Variants in GALNT13 observed in about 807,000 individuals in gnomAD.
The protein encoded by GALNT13 is polypeptide N-acetylgalactosaminyltransferase 13.
A neutral mutation model predicts 64.2 loss-of-function variants in GALNT13; 28 were observed. The observed-to-expected ratio is 0.44, with a 90% CI of 0.32 to 0.60. GALNT13 has a LOEUF of 0.60. Ranked by LOEUF, GALNT13 falls within the 20% of genes least tolerant of loss-of-function variation. The pLI, the probability that GALNT13 is intolerant of heterozygous loss-of-function variation, is 0.05. For missense variants in GALNT13, 577 were observed against 669.8 expected (o/e 0.86, Z 1.53); for synonymous variants, 214 against 224.6 (o/e 0.95, Z 0.42).
At chr2:153,933,932 T>C (rs991311237) in intron 2 of GALNT13, among the ~76,000 whole-genome samples, 3 of 152,178 alleles carry the variant, frequency 2.0e-5, no homozygotes, top group Admixed American at 6.6e-5. Flanking sequence ...ACAGTCTCTT[T>C]TGGCTTATAA....
chr2:153,205,795 T>G, the GALNT13 span, among the ~76,000 whole-genome samples: 1 of 152,100 alleles, frequency 6.6e-6, no homozygotes, highest in Non-Finnish European at 1.5e-5. Context: ...ATTATTTAAT[T>G]TTACAACCTT....
At chr2:154,427,097 T>G (rs1700504952) in intron 11 of GALNT13, among the ~76,000 whole-genome samples, 1 of 152,230 alleles carries the variant, frequency 6.6e-6, no homozygotes, top group African/African-American at 2.4e-5. Flanking sequence ...AGATATTACT[T>G]GAGGCAAATG....
intron 3 of GALNT13, among the ~76,000 whole-genome samples, chr2:154,111,550 C>T (rs1311614029): frequency 6.6e-6 from 1 of 152,100 alleles, no homozygotes; most frequent in East Asian, 1.9e-4. Flanking sequence ...TTCCTGGTGG[C>T]AGCATTCCTC....
chr2:154,105,687 T>G (rs1216309422), intron 3 of GALNT13, among the ~76,000 whole-genome samples: 1 of 152,318 alleles, frequency 6.6e-6, no homozygotes, highest in Non-Finnish European at 1.5e-5. Flanking sequence ...CAAGTTTGTT[T>G]GGACAACATT....
chr2:154,053,203 AG>A (rs1313697828), intron 3 of GALNT13, among the ~76,000 whole-genome samples: 2 of 152,202 alleles, frequency 1.3e-5, no homozygotes, highest in African/African-American at 4.8e-5. Context: ...CTGAACTTGG[AG>A]GAAGAATCTT....
At chr2:153,922,654 T>C (rs1689836451) in intron 2 of GALNT13, among the ~76,000 whole-genome samples, 1 of 152,098 alleles carries the variant, frequency 6.6e-6, no homozygotes, top group Admixed American at 6.6e-5. Flanking sequence ...TAGGTGATAA[T>C]CCTTCCCCCA....
chr2:153,397,049 ATCC>A, the GALNT13 span, among the ~76,000 whole-genome samples: 4 of 152,152 alleles, frequency 2.6e-5, no homozygotes, highest in Non-Finnish European at 4.4e-5. Flanking sequence ...CACCATTTTC[ATCC>A]TCTAAAATAC....
At chr2:153,603,722 G>T in the GALNT13 span, among the ~76,000 whole-genome samples, 1 of 151,842 alleles carries the variant, frequency 6.6e-6, no homozygotes, top group African/African-American at 2.4e-5. Flanking sequence ...CTCCTTTAGG[G>T]TATCAATATT....
chr2:153,564,917 T>C, the GALNT13 span, among the ~76,000 whole-genome samples: 2 of 152,252 alleles, frequency 1.3e-5, no homozygotes, highest in East Asian at 1.9e-4. Context: ...AAGAGCCAAA[T>C]TGTAAACTGC....
intron 12 of GALNT13, among the ~76,000 whole-genome samples, chr2:154,444,585 A>G (rs1277407572): frequency 6.6e-6 from 1 of 152,098 alleles, no homozygotes; most frequent in Non-Finnish European, 1.5e-5. Context: ...TTATAGATAT[A>G]TTTTAAAGGA....
At chr2:153,995,291 T>C (rs956877619) in intron 3 of GALNT13, among the ~76,000 whole-genome samples, 1 of 152,130 alleles carries the variant, frequency 6.6e-6, no homozygotes, top group African/African-American at 2.4e-5. Flanking sequence ...TAAATAAAAT[T>C]GAACTCTCAG....
In GALNT13 at chr2:154,056,127, GC is replaced by G. The variant is rs1405120558; in HGVS notation, c.143-84208del. ...GCTTAGAGCTGTGCAATTTTTATAT[GC>G]CTATTTAAAAAGAAAAAAAGGAAAA... On this transcript the variant is annotated intron_variant, in intron 3 of 12. Transcript: ENST00000392825. 2.6e-5 allele frequency among the ~76,000 whole-genome samples: 4 copies of G among 151,976 alleles called. No homozygotes were observed. In the East Asian group the frequency reaches 5.8e-4, roughly 22 times the overall value.
chr2:153,468,807 A>G, the GALNT13 span, among the ~76,000 whole-genome samples: 1 of 152,114 alleles, frequency 6.6e-6, no homozygotes, highest in Non-Finnish European at 1.5e-5. Flanking sequence ...CCTCAAATAC[A>G]CTAGGGTAGC....
the GALNT13 span, among the ~76,000 whole-genome samples, chr2:153,803,283 T>C: frequency 6.6e-6 from 1 of 152,216 alleles, no homozygotes; most frequent in Non-Finnish European, 1.5e-5. Flanking sequence ...ATTTATATGT[T>C]GAAGCCCTAG....
the GALNT13 span, among the ~76,000 whole-genome samples, chr2:153,670,696 AT>A: frequency 6.6e-6 from 1 of 152,186 alleles, no homozygotes; most frequent in African/African-American, 2.4e-5. Context: ...TGGATGGAGA[AT>A]GAGTTTGACA....
chr2:153,157,919 C>A, the GALNT13 span, among the ~76,000 whole-genome samples: 1 of 151,738 alleles, frequency 6.6e-6, no homozygotes, highest in East Asian at 1.9e-4. Flanking sequence ...CAATAAAAAC[C>A]CCAGAGGGAC....
At chr2:153,171,425 A>G in the GALNT13 span, among the ~76,000 whole-genome samples, 1 of 152,224 alleles carries the variant, frequency 6.6e-6, no homozygotes, top group Admixed American at 6.5e-5. Flanking sequence ...ATTATTATTT[A>G]GAAATGCAAA....
the GALNT13 span, among the ~76,000 whole-genome samples, chr2:153,778,882 A>G: frequency 2.6e-5 from 4 of 152,176 alleles, no homozygotes; most frequent in Admixed American, 6.5e-5. Context: ...TTTGAAAGCT[A>G]GATGTTAATT....
At chr2:153,689,255 G>A in the GALNT13 span, among the ~76,000 whole-genome samples, 64 of 151,964 alleles carry the variant, frequency 4.2e-4, no homozygotes, top group South Asian at 0.013. Context: ...TGTGTATGTC[G>A]AATAATATGG....
Sources: allele counts gnomAD v4.1 joint callset (sites outside exome capture counted in the v4.1 genomes callset), GRCh38; gene constraint gnomAD v4.1.1; transcripts MANE v1.5; gene names NCBI Gene and HGNC (gene_info 2026-07-23, HGNC 2026-07-21).